Variants in NXPE2 observed in about 807,000 individuals in gnomAD.
The protein encoded by NXPE2 is NXPE family member 2.
In NXPE2, 34 loss-of-function variants were observed where a neutral mutation model predicts 34.4. The observed-to-expected ratio is 0.99, with a 90% confidence interval of 0.75 to 1.31. NXPE2 has a LOEUF of 1.31. NXPE2 is among the 40% of genes most tolerant of loss of function. NXPE2 has a pLI of 0.00. For missense variants in NXPE2, 649 were observed against 672.5 expected (o/e 0.97, Z 0.39); for synonymous variants, 235 against 231.3 (o/e 1.02, Z -0.15).
At chr11:114,683,499 C>T (rs1950984843) in intron 2 of NXPE2, among the ~76,000 whole-genome samples, 1 of 150,492 alleles carries the variant, frequency 6.6e-6, no homozygotes, top group South Asian at 2.1e-4. Context: ...CGGCTCACTG[C>T]AACCTCCGCC....
chr11:114,560,484 C>T, the NXPE2 span, among the ~76,000 whole-genome samples: 1 of 151,972 alleles, frequency 6.6e-6, no homozygotes, highest in African/African-American at 2.4e-5. Flanking sequence ...CCAGGCTGGT[C>T]TTGAACTCCT....
At chr11:114,795,438 C>T in the NXPE2 span, among the ~76,000 whole-genome samples, 1 of 152,200 alleles carries the variant, frequency 6.6e-6, no homozygotes, top group African/African-American at 2.4e-5. Flanking sequence ...CCAAAATAAT[C>T]CTAACACAAT....
chr11:114,762,117 G>C, the NXPE2 span, among the ~76,000 whole-genome samples: 1 of 152,192 alleles, frequency 6.6e-6, no homozygotes, highest in Admixed American at 6.5e-5. Flanking sequence ...TCTGTTTGGG[G>C]GCTCTGGAGG....
the NXPE2 span, among the ~76,000 whole-genome samples, chr11:114,526,906 T>A: frequency 1.3e-5 from 2 of 152,232 alleles, no homozygotes; most frequent in African/African-American, 4.8e-5. Flanking sequence ...CCAGCAACAC[T>A]ACCCATGATC....
intron 1 of NXPE2, among the ~76,000 whole-genome samples, chr11:114,678,850 ATGTG>A (rs137967033): frequency 6.7e-6 from 1 of 148,660 alleles, no homozygotes; most frequent in Non-Finnish European, 1.5e-5. Context: ...TGGGGCGTGT[ATGTG>A]TGTGTGTGTG....
At chr11:114,474,195 G>A in the NXPE2 span, among the ~76,000 whole-genome samples, 1 of 152,142 alleles carries the variant, frequency 6.6e-6, no homozygotes, top group Non-Finnish European at 1.5e-5. Flanking sequence ...TCAGGAGAAA[G>A]GTCAGACCTG....
chr11:114,734,545 G>A, the NXPE2 span, among the ~76,000 whole-genome samples: 4 of 152,162 alleles, frequency 2.6e-5, no homozygotes, highest in Non-Finnish European at 1.5e-5. Flanking sequence ...AACACCAGGT[G>A]TATGGCTAAT....
chr11:114,613,438 T>A, the NXPE2 span, among the ~76,000 whole-genome samples: 1 of 151,888 alleles, frequency 6.6e-6, no homozygotes, highest in Non-Finnish European at 1.5e-5. Flanking sequence ...AAGTGTTGCC[T>A]CTTGTGTAAC....
At chr11:114,583,360 C>A in the NXPE2 span, 1 of 619,620 alleles carries the variant, frequency 1.6e-6, no homozygotes, top group Non-Finnish European at 3.1e-6. Context: ...ACTGAATCTG[C>A]GTGACTCATA....
the NXPE2 span, among the ~76,000 whole-genome samples, chr11:114,480,226 G>T: frequency 2.0e-5 from 2 of 99,166 alleles, no homozygotes; most frequent in African/African-American, 1.0e-4. Context: ...GGAAGCCAGA[G>T]CAATGTCAGA....
intron 2 of NXPE2, among the ~76,000 whole-genome samples, chr11:114,680,647 C>T (rs1342808813): frequency 1.3e-5 from 2 of 152,108 alleles, no homozygotes; most frequent in East Asian, 3.9e-4. Context: ...GAGCCTTCTG[C>T]CCAGAATACC....
At chr11:114,603,944 G>T in the NXPE2 span, among the ~76,000 whole-genome samples, 1 of 150,804 alleles carries the variant, frequency 6.6e-6, no homozygotes, top group Non-Finnish European at 1.5e-5. Context: ...AATAAGTATT[G>T]CCTCTTCTCC....
chr11:114,737,938 T>A, the NXPE2 span, among the ~76,000 whole-genome samples: 4 of 151,004 alleles, frequency 2.6e-5, no homozygotes, highest in Non-Finnish European at 5.9e-5. Context: ...AAAAAAAAAA[T>A]TTGCCGGGCG....
the NXPE2 span, among the ~76,000 whole-genome samples, chr11:114,635,574 C>T: frequency 3.3e-5 from 5 of 152,002 alleles, no homozygotes; most frequent in African/African-American, 1.2e-4. Context: ...CAGTTTTTGC[C>T]CATTCAGTAT....
chr11:114,635,559 G>A, the NXPE2 span, among the ~76,000 whole-genome samples: 33 of 152,118 alleles, frequency 2.2e-4, no homozygotes, highest in African/African-American at 6.7e-4. Flanking sequence ...CAAAGGGAAT[G>A]CTTCCAGTTT....
the NXPE2 span, among the ~76,000 whole-genome samples, chr11:114,608,810 C>T: frequency 3.3e-5 from 5 of 151,860 alleles, no homozygotes; most frequent in African/African-American, 7.2e-5. Context: ...AGTGTTGCCT[C>T]GTGGGTAAGC....
the NXPE2 span, among the ~76,000 whole-genome samples, chr11:114,722,351 C>T: frequency 6.6e-6 from 1 of 152,144 alleles, no homozygotes; most frequent in African/African-American, 2.4e-5. Flanking sequence ...GCTTCCCCTT[C>T]CACCATGACA....
chr11:114,700,936 C>T (rs1951354448), intron 3 of NXPE2, among the ~76,000 whole-genome samples: 1 of 151,918 alleles, frequency 6.6e-6, no homozygotes, highest in African/African-American at 2.4e-5. Context: ...CAGGATAGCA[C>T]AATATCCTGG....
At chr11:114,471,283 A>G in the NXPE2 span, among the ~76,000 whole-genome samples, 1 of 151,900 alleles carries the variant, frequency 6.6e-6, no homozygotes, top group Non-Finnish European at 1.5e-5. Context: ...TAGGTCTATA[A>G]TCTATTTTGA....
Sources: allele counts gnomAD v4.1 joint callset (sites outside exome capture counted in the v4.1 genomes callset), GRCh38; gene constraint gnomAD v4.1.1; transcripts MANE v1.5; gene names NCBI Gene and HGNC (gene_info 2026-07-23, HGNC 2026-07-21).